The following HELQ variants were observed in gnomAD, a reference collection of about 807,000 sequenced individuals.
HELQ encodes helicase, POLQ like.
HELQ carries 77 observed loss-of-function variants against 111.6 expected under a neutral mutation model. The ratio of observed to expected loss-of-function variants is 0.69; its 90% CI spans 0.57 to 0.83. The LOEUF is 0.83. Among genes scored for constraint, HELQ ranks in the 40% least tolerant of loss-of-function variants. The pLI, the probability that HELQ is intolerant of heterozygous loss-of-function variation, is 0.00. For synonymous variants in HELQ, 438 were observed against 454.7 expected, an observed-to-expected ratio of 0.96 and a Z score of 0.47; for missense variants, 1,200 against 1,288.5, an observed-to-expected ratio of 0.93 and a Z score of 1.05.
At chr4:83,440,269 A>G (rs112014641) in intron 7 of HELQ, among the ~76,000 whole-genome samples, 30 of 152,362 alleles carry the variant, frequency 2.0e-4, no homozygotes, top group African/African-American at 7.0e-4. Flanking sequence ...GAATTAAAGA[A>G]AATTAAAGAA....
intron 11 of HELQ, among the ~76,000 whole-genome samples, chr4:83,430,459 A>G (rs1472893447): frequency 1.3e-5 from 2 of 152,178 alleles, no homozygotes; most frequent in South Asian, 2.1e-4. Flanking sequence ...TTCACTATTT[A>G]TAACTTACAA....
chr4:83,413,867 G>C (rs1739229268), intron 17 of HELQ, among the ~76,000 whole-genome samples: 1 of 152,202 alleles, frequency 6.6e-6, no homozygotes, highest in South Asian at 2.1e-4. Flanking sequence ...TTGGTCATGT[G>C]AGTGAGTCAC....
intron 2 of HELQ, among the ~76,000 whole-genome samples, chr4:83,452,014 C>T (rs1721405870): frequency 6.6e-6 from 1 of 152,236 alleles, no homozygotes; most frequent in Non-Finnish European, 1.5e-5. Context: ...GTTGATGGGG[C>T]TGACCCTCCA....
chr4:83,455,741 C>G lies in HELQ; in HGVS notation c.-48G>C. 2 of 1,552,646 alleles carry G rather than the reference C, an allele frequency of 1.3e-6. No homozygotes were observed. The highest frequency in any genetic ancestry group is 1.7e-6 in the Non-Finnish European group (2 of 1,144,596). On this transcript the variant is annotated 5_prime_UTR_variant, in exon 1 of 18. Transcript: ENST00000295488. ...CAGACGTCGTTCTCAGTGACCCAGA[C>G]GCTAAGCCCATATGGAAGGGAGAGT...
chr4:83,440,704 G>A (rs1720713243), intron 7 of HELQ, among the ~76,000 whole-genome samples: 4 of 151,988 alleles, frequency 2.6e-5, no homozygotes, highest in Admixed American at 2.6e-4. Context: ...TGAACTACAT[G>A]GTCCATAAAT....
intron 12 of HELQ, 91 bp from the exon 13 acceptor site, chr4:83,427,811 A>G: frequency 4.6e-6 from 4 of 863,928 alleles, no homozygotes; most frequent in Non-Finnish European, 6.6e-6. Context: ...GCTTAAATAT[A>G]GCAAAAAGTC....
At chr4:83,425,377 T>C (rs62303755) in intron 14 of HELQ, among the ~76,000 whole-genome samples, 1 of 150,686 alleles carries the variant, frequency 6.6e-6, no homozygotes, top group South Asian at 2.1e-4. Context: ...AAAAAAAAAG[T>C]GTATTACAAG....
chr4:83,431,367 A>T (rs1483474309), intron 11 of HELQ, among the ~76,000 whole-genome samples: 2 of 151,766 alleles, frequency 1.3e-5, no homozygotes, highest in Non-Finnish European at 2.9e-5. Flanking sequence ...TATGTTGCCC[A>T]GGCTGGTCTT....
chr4:83,424,709 C>G (rs1315888930), intron 14 of HELQ, among the ~76,000 whole-genome samples: 2 of 152,104 alleles, frequency 1.3e-5, no homozygotes, highest in African/African-American at 4.8e-5. Context: ...AGGTGCCCAC[C>G]ACCACACATA....
At chr4:83,433,833 C>CT (rs1188119887) in intron 9 of HELQ, among the ~76,000 whole-genome samples, 3 of 150,710 alleles carry the variant, frequency 2.0e-5, no homozygotes, top group African/African-American at 7.3e-5. Flanking sequence ...AACACAAAAA[C>CT]TAAAAAACAT....
intron 6 of HELQ, among the ~76,000 whole-genome samples, chr4:83,442,839 A>G (rs1720851202): frequency 6.6e-6 from 1 of 152,292 alleles, no homozygotes; most frequent in Non-Finnish European, 1.5e-5. Flanking sequence ...GGTGTGAGCC[A>G]CTGCACCCAG....
intron 2 of HELQ, among the ~76,000 whole-genome samples, chr4:83,452,313 C>T (rs1232904742): frequency 1.3e-5 from 2 of 151,684 alleles, no homozygotes; most frequent in African/African-American, 4.8e-5. Flanking sequence ...TGGCTCAAGA[C>T]AATACTTTTT....
chr4:83,450,941 C>T (rs962878226), intron 2 of HELQ, among the ~76,000 whole-genome samples: 6 of 152,072 alleles, frequency 3.9e-5, no homozygotes, highest in African/African-American at 1.2e-4. Context: ...AGGTCGTATT[C>T]CTAGAGGTTC....
intron 3 of HELQ, among the ~76,000 whole-genome samples, chr4:83,447,754 T>G (rs980942787): frequency 6.9e-6 from 1 of 144,442 alleles, no homozygotes; most frequent in African/African-American, 2.6e-5. Flanking sequence ...GGCTGCTGGG[T>G]GGGGTCGTGG....
chr4:83,424,308 GGTTT>G (rs1030390431), intron 14 of HELQ, among the ~76,000 whole-genome samples: 8 of 152,062 alleles, frequency 5.3e-5, no homozygotes, highest in African/African-American at 1.9e-4. Context: ...TGATATAAAA[GGTTT>G]GTTTTAAGAA....
At chr4:83,410,379 T>A (rs1246784285) in intron 17 of HELQ, among the ~76,000 whole-genome samples, 1 of 152,238 alleles carries the variant, frequency 6.6e-6, no homozygotes, top group African/African-American at 2.4e-5. Flanking sequence ...AGTAACATTT[T>A]AACACATTAT....
chr4:83,409,016 G>A (rs183923662), intron 17 of HELQ, among the ~76,000 whole-genome samples: 4 of 152,236 alleles, frequency 2.6e-5, no homozygotes, highest in Admixed American at 2.0e-4. Context: ...GCTCAGCCAT[G>A]AGAGGAAGAG....
chr4:83,450,793 C>G (rs1464320748), intron 2 of HELQ, among the ~76,000 whole-genome samples: 1 of 152,026 alleles, frequency 6.6e-6, no homozygotes, highest in Non-Finnish European at 1.5e-5. Flanking sequence ...AAATGAGACC[C>G]TATCTCTACA....
At position 83,421,664 on chromosome 4, in the gene HELQ, T is replaced by C. The variant is rs1390740219; in HGVS notation, c.2848A>G (p.Ile950Val). Residue 950 changes from isoleucine to valine, a missense_variant, in exon 15 of 18, where the codon ATT (isoleucine) becomes GTT (valine). Coordinates refer to ENST00000295488, the MANE Select transcript of HELQ (RefSeq NM_133636.5). ...VLYTLLKETN[I>V]WTVSEKFNMP... is the part of the protein sequence containing the mutation. Reference sequence around the variant, plus strand: ...TTAAATTTTTCAGATACAGTCCAAATGTTGGTCTCTTTGAGCAAGGTATAA... The same window carrying C: ...TTAAATTTTTCAGATACAGTCCAAACGTTGGTCTCTTTGAGCAAGGTATAA... 1 of 1,613,532 alleles carries C rather than the reference T, an allele frequency of 6.2e-7. No individual in the cohort carries two copies. Among genetic ancestry groups the C allele is most frequent in the Non-Finnish European group, 8.5e-7 (1 of 1,179,548 alleles).
Sources: allele counts gnomAD v4.1 joint callset (sites outside exome capture counted in the v4.1 genomes callset), GRCh38; gene constraint gnomAD v4.1.1; transcripts MANE v1.5; gene names NCBI Gene and HGNC (gene_info 2026-07-23, HGNC 2026-07-21).